The following CDH6 variants were observed in gnomAD, a reference collection of about 807,000 sequenced individuals.
CDH6 encodes cadherin 6, also known as cadherin-6.
CDH6 carries 31 observed loss-of-function variants against 78.0 expected under a neutral mutation model. That is an observed-to-expected ratio of 0.40 (90% confidence interval 0.30 to 0.54). CDH6 has a LOEUF of 0.54. CDH6 is among the 20% of genes least tolerant of loss of function. The probability of loss-of-function intolerance (pLI) is 0.56; values close to 1 mark genes in which losing one functional copy is unlikely to be tolerated. For missense variants in CDH6, 724 were observed against 975.9 expected, an observed-to-expected ratio of 0.74 and a Z score of 3.44; for synonymous variants, 376 against 368.8, an observed-to-expected ratio of 1.02 and a Z score of -0.23.
intron 1 of CDH6, among the ~76,000 whole-genome samples, chr5:31,199,247 GTA>G (rs574826995): frequency 1.3e-5 from 2 of 150,378 alleles, no homozygotes; most frequent in African/African-American, 4.9e-5. Context: ...ACACATATGT[GTA>G]TATATATATG....
intron 8 of CDH6, among the ~76,000 whole-genome samples, chr5:31,315,307 C>G (rs1314870529): frequency 2.0e-5 from 3 of 152,168 alleles, no homozygotes; most frequent in Admixed American, 2.0e-4. Context: ...TGTTATGTTT[C>G]CTACGTGCCC....
intron 2 of CDH6, among the ~76,000 whole-genome samples, chr5:31,273,382 C>T (rs1015594772): frequency 6.6e-6 from 1 of 152,086 alleles, no homozygotes; most frequent in Admixed American, 6.5e-5. Flanking sequence ...TGATATTTTC[C>T]GAGCATTACT....
chr5:31,213,462 G>C (rs974408637), intron 1 of CDH6, among the ~76,000 whole-genome samples: 1 of 152,156 alleles, frequency 6.6e-6, no homozygotes, highest in African/African-American at 2.4e-5. Flanking sequence ...CTAGAGCGTG[G>C]GTGAGGGGTT....
At position 31,223,641 on chromosome 5, in the gene CDH6, A is replaced by T. The variant is rs554946410; in HGVS notation, c.-129+29755A>T. Among the ~76,000 whole-genome samples, 9 of 152,228 alleles carry T rather than the reference A, an allele frequency of 5.9e-5. No individual in the cohort carries two copies. The East Asian group carries it at 1.3e-3, about 23-fold the overall frequency. ...TTTTGTTAATTTCTATTAACATTAC[A>T]TTTTGGTTCCGGTGGTGTATGTTGC... On this transcript the variant is annotated intron_variant, in intron 1 of 11. Transcript: ENST00000265071.
intron 3 of CDH6, among the ~76,000 whole-genome samples, chr5:31,296,193 G>A (rs1360459792): frequency 6.6e-6 from 1 of 152,138 alleles, no homozygotes; most frequent in Non-Finnish European, 1.5e-5. Flanking sequence ...TTCATGGAAA[G>A]GGGAACTCCA....
chr5:31,277,303 A>G (rs1016869371), intron 2 of CDH6, among the ~76,000 whole-genome samples: 1 of 152,186 alleles, frequency 6.6e-6, no homozygotes, highest in East Asian at 1.9e-4. Flanking sequence ...ATATTATTTC[A>G]ATTGCCATGA....
At chr5:31,230,502 G>C (rs1199288662) in intron 1 of CDH6, among the ~76,000 whole-genome samples, 1 of 152,078 alleles carries the variant, frequency 6.6e-6, no homozygotes, top group Non-Finnish European at 1.5e-5. Flanking sequence ...GAAGCATTAG[G>C]CCTCCTCTAC....
chr5:31,212,417 G>A (rs938213319), intron 1 of CDH6, among the ~76,000 whole-genome samples: 1 of 152,018 alleles, frequency 6.6e-6, no homozygotes, highest in Non-Finnish European at 1.5e-5. Flanking sequence ...GTGCCACCGG[G>A]GCTAATATTC....
intron 1 of CDH6, among the ~76,000 whole-genome samples, chr5:31,203,406 C>T (rs1740424908): frequency 9.4e-6 from 1 of 105,942 alleles, no homozygotes; most frequent in Non-Finnish European, 1.9e-5. Flanking sequence ...CCTCCCCCCA[C>T]CCCACAACAG....
rs1737538705 is a variant in CDH6, at chr5:31,294,779, C to T, written c.523+523C>T. On this transcript the variant is annotated intron_variant, in intron 3 of 11. Transcript: ENST00000265071. The surrounding 1 kb of genome is among the most constrained non-coding windows in gnomAD (Gnocchi z 4.1). ...TGTCTAGGGAGTGGATCCTTTACTACATGGTGGAAATGAAAAGACTTTCAT... is the reference window on the plus strand; with the variant it reads ...TGTCTAGGGAGTGGATCCTTTACTATATGGTGGAAATGAAAAGACTTTCAT... Among the ~76,000 whole-genome samples the T allele has an allele frequency of 6.6e-6, 1 of 152,096 alleles. No homozygotes were observed. The highest frequency in any genetic ancestry group is 1.5e-5 in the Non-Finnish European group (1 of 68,032).
intron 1 of CDH6, among the ~76,000 whole-genome samples, chr5:31,257,269 T>C (rs1742082992): frequency 6.6e-6 from 1 of 152,126 alleles, no homozygotes; most frequent in Admixed American, 6.5e-5. Context: ...TTCACGCCAT[T>C]CTCCTGCCTC....
chr5:31,230,795 G>C (rs1294139292), intron 1 of CDH6, among the ~76,000 whole-genome samples: 1 of 152,022 alleles, frequency 6.6e-6, no homozygotes, highest in Non-Finnish European at 1.5e-5. Flanking sequence ...TACAAAAGAA[G>C]CTAAACAATA....
At chr5:31,214,913 G>GT (rs1244089438) in intron 1 of CDH6, among the ~76,000 whole-genome samples, 2 of 152,090 alleles carry the variant, frequency 1.3e-5, no homozygotes, top group East Asian at 1.9e-4. Flanking sequence ...CGATTTTACT[G>GT]TTTTTTTATC....
intron 1 of CDH6, among the ~76,000 whole-genome samples, chr5:31,203,283 C>T (rs1740417264): frequency 7.0e-6 from 1 of 142,144 alleles, no homozygotes; most frequent in Admixed American, 7.2e-5. Context: ...TTTTAGGGTA[C>T]ATGTGCACAT....
chr5:31,283,067 T>C (rs1304717613), intron 2 of CDH6, among the ~76,000 whole-genome samples: 1 of 152,184 alleles, frequency 6.6e-6, no homozygotes, highest in East Asian at 1.9e-4. Context: ...GTTTGATCAA[T>C]GTTCTCAATT....
In CDH6 at chr5:31,294,233, C is replaced by T; in HGVS notation, c.500C>T (p.Thr167Ile). 6.2e-7 allele frequency: 1 copy of T among 1,613,580 alleles called. No homozygotes were observed. Among genetic ancestry groups the T allele is most frequent in the Non-Finnish European group, 8.5e-7 (1 of 1,179,676 alleles). Reference protein sequence around the residue: ...PIFTKEVYTATVPEMSDVGTF... With the variant: ...PIFTKEVYTAIVPEMSDVGTF... ...TTCACCAAGGAGGTTTACACAGCCA[C>T]TGTCCCTGAAATGTCTGATGTCGGT... is the stretch of plus-strand genomic sequence containing the variant. The change falls in exon 3 of 12, where the codon ACT (threonine) becomes ATT (isoleucine). Residue 167 changes from threonine (T) to isoleucine (I), a missense_variant. Physicochemically the swap from Thr to Ile is moderately conservative, Grantham distance 89. Coordinates refer to ENST00000265071, the MANE Select transcript of CDH6 (RefSeq NM_004932.4). This position sits in a 1 kb window ranked among gnomAD's most constrained non-coding sequence, Gnocchi z 4.1.
intron 2 of CDH6, among the ~76,000 whole-genome samples, chr5:31,277,431 G>T (rs990206529): frequency 2.6e-5 from 4 of 152,114 alleles, no homozygotes; most frequent in Non-Finnish European, 5.9e-5. Context: ...AATAGGAATC[G>T]TTATCACAGT....
At chr5:31,260,807 C>G (rs1206413708) in intron 1 of CDH6, among the ~76,000 whole-genome samples, 1 of 152,198 alleles carries the variant, frequency 6.6e-6, no homozygotes. Flanking sequence ...TCATTACACA[C>G]ACGAAACGGA....
intron 7 of CDH6, among the ~76,000 whole-genome samples, chr5:31,306,085 A>G (rs1208694169): frequency 6.6e-6 from 1 of 152,212 alleles, no homozygotes; most frequent in Admixed American, 6.5e-5. Flanking sequence ...AAAGAGTGGC[A>G]TAGAAAAAGT....
Sources: gnomAD v4.1 joint callset for allele counts (sites outside exome capture counted in the v4.1 genomes callset) on GRCh38, gnomAD v4.1.1 for gene constraint, Gnocchi (gnomAD v3.1) non-coding constraint, MANE v1.5 for transcripts, NCBI Gene and HGNC (gene_info 2026-07-23, HGNC 2026-07-21) for gene names.